Variants in CNTN5 observed in about 807,000 individuals in gnomAD.
The protein encoded by CNTN5 is contactin 5.
CNTN5 carries 77 observed loss-of-function variants against 129.1 expected under a neutral mutation model. That is an observed-to-expected ratio of 0.60 (90% CI 0.50 to 0.72). The LOEUF (loss-of-function observed/expected upper bound fraction) is 0.72, where lower values mean the gene tolerates loss of function less well. CNTN5 is among the 30% of genes least tolerant of loss of function. The pLI is 0.00. For missense variants in CNTN5, 1,478 were observed against 1,328.8 expected, an observed-to-expected ratio of 1.11 and a Z score of -1.75; for synonymous variants, 509 against 465.6, an observed-to-expected ratio of 1.09 and a Z score of -1.20.
chr11:99,127,686 T>C (rs1858714037), intron 1 of CNTN5, among the ~76,000 whole-genome samples: 1 of 152,192 alleles, frequency 6.6e-6, no homozygotes, highest in Non-Finnish European at 1.5e-5. Flanking sequence ...CTTCTCAACT[T>C]GAATCACTGC....
At chr11:99,587,235 C>T (rs1254726002) in intron 3 of CNTN5, among the ~76,000 whole-genome samples, 2 of 152,186 alleles carry the variant, frequency 1.3e-5, no homozygotes, top group African/African-American at 2.4e-5. Flanking sequence ...GCTGCCTACT[C>T]TATACTGCAC....
At chr11:99,143,405 A>G (rs2135467717) in intron 1 of CNTN5, among the ~76,000 whole-genome samples, 1 of 149,480 alleles carries the variant, frequency 6.7e-6, no homozygotes, top group African/African-American at 2.4e-5. Context: ...AATATTAAAT[A>G]TATCATATAT....
chr11:99,101,725 T>C (rs1284485576), intron 1 of CNTN5, among the ~76,000 whole-genome samples: 1 of 152,182 alleles, frequency 6.6e-6, no homozygotes, highest in East Asian at 1.9e-4. Context: ...CTTCTGTGGC[T>C]TTGCAGGATA....
chr11:99,986,919 C>T (rs576298363), intron 8 of CNTN5, among the ~76,000 whole-genome samples: 1 of 152,080 alleles, frequency 6.6e-6, no homozygotes, highest in African/African-American at 2.4e-5. Context: ...ATCAAATTGA[C>T]AGAACTTGAT....
At chr11:100,034,884 A>G (rs1006276828) in intron 9 of CNTN5, among the ~76,000 whole-genome samples, 5 of 142,580 alleles carry the variant, frequency 3.5e-5, no homozygotes, top group South Asian at 4.4e-4. Context: ...AGTACTTCAT[A>G]CTTACCCTTG....
At chr11:99,688,043 T>A (rs1953869799) in intron 3 of CNTN5, among the ~76,000 whole-genome samples, 1 of 152,178 alleles carries the variant, frequency 6.6e-6, no homozygotes, top group South Asian at 2.1e-4. Context: ...TGTTGATTGG[T>A]TAGTAAACTA....
At chr11:100,100,964 T>G (rs1452976293) in intron 13 of CNTN5, among the ~76,000 whole-genome samples, 1 of 152,172 alleles carries the variant, frequency 6.6e-6, no homozygotes, top group East Asian at 1.9e-4. Context: ...TATCTACAAA[T>G]TATCGAAAAG....
At chr11:100,187,314 A>C (rs1948327579) in intron 13 of CNTN5, among the ~76,000 whole-genome samples, 3 of 152,076 alleles carry the variant, frequency 2.0e-5, no homozygotes, top group African/African-American at 7.2e-5. Flanking sequence ...TAGGTATAGA[A>C]TCAGATTGTC....
At chr11:100,018,083 G>T (rs936772502) in intron 9 of CNTN5, among the ~76,000 whole-genome samples, 3 of 151,856 alleles carry the variant, frequency 2.0e-5, no homozygotes, top group Non-Finnish European at 4.4e-5. Flanking sequence ...TAAGTCAAAA[G>T]TACAATTAAG....
intron 1 of CNTN5, among the ~76,000 whole-genome samples, chr11:99,138,444 T>C (rs61893416): frequency 0.098 from 14,940 of 152,154 alleles, 1,298 homozygotes; most frequent in East Asian, 0.41. Context: ...TAAACCCAGG[T>C]GCATTTTTTA....
chr11:99,821,423 A>ACAG (rs1946797582), intron 4 of CNTN5, among the ~76,000 whole-genome samples: 1 of 152,200 alleles, frequency 6.6e-6, no homozygotes, highest in South Asian at 2.1e-4. Context: ...GACAGAAAAG[A>ACAG]AAGAAAATCT....
intron 13 of CNTN5, among the ~76,000 whole-genome samples, chr11:100,161,305 G>A (rs1410103807): frequency 6.6e-6 from 1 of 151,838 alleles, no homozygotes; most frequent in Non-Finnish European, 1.5e-5. Flanking sequence ...AGATGAAAAT[G>A]TTCTAAATGA....
chr11:99,034,199 A>G (rs1396629773), intron 1 of CNTN5, among the ~76,000 whole-genome samples: 2 of 152,200 alleles, frequency 1.3e-5, no homozygotes, highest in Non-Finnish European at 2.9e-5. Context: ...TTTTGCATCA[A>G]TGTTCATCAA....
At chr11:99,891,865 C>G (rs1949068865) in intron 6 of CNTN5, among the ~76,000 whole-genome samples, 1 of 152,110 alleles carries the variant, frequency 6.6e-6, no homozygotes, top group Admixed American at 6.6e-5. Context: ...ATTGCTGGGT[C>G]AAGTGGTATT....
At chr11:99,750,245 T>C (rs570172787) in intron 3 of CNTN5, among the ~76,000 whole-genome samples, 1 of 152,318 alleles carries the variant, frequency 6.6e-6, no homozygotes, top group African/African-American at 2.4e-5. Flanking sequence ...TCATGTCTTT[T>C]CATCACAAAA....
intron 3 of CNTN5, among the ~76,000 whole-genome samples, chr11:99,697,444 A>G (rs921460787): frequency 4.6e-5 from 7 of 151,718 alleles, no homozygotes; most frequent in African/African-American, 1.4e-4. Context: ...ACTCCCAAAA[A>G]CCCAAAATTC....
chr11:99,930,137 G>T (rs1236858563), intron 7 of CNTN5, among the ~76,000 whole-genome samples: 1 of 152,088 alleles, frequency 6.6e-6, no homozygotes, highest in Non-Finnish European at 1.5e-5. Context: ...TGCATCATTT[G>T]GTGGTTGAGG....
intron 3 of CNTN5, among the ~76,000 whole-genome samples, chr11:99,705,079 A>G (rs943161697): frequency 1.3e-5 from 2 of 151,398 alleles, no homozygotes; most frequent in South Asian, 2.1e-4. Flanking sequence ...GTATCTTCCA[A>G]TATCTTCTGG....
intron 3 of CNTN5, among the ~76,000 whole-genome samples, chr11:99,737,690 G>A (rs905041304): frequency 1.1e-4 from 17 of 152,064 alleles, no homozygotes; most frequent in African/African-American, 4.1e-4. Context: ...TTTAAAATTG[G>A]TGTAATTCCA....
Sources: gnomAD v4.1 joint callset for allele counts (sites outside exome capture counted in the v4.1 genomes callset) on GRCh38, gnomAD v4.1.1 for gene constraint, MANE v1.5 for transcripts, NCBI Gene and HGNC (gene_info 2026-07-23, HGNC 2026-07-21) for gene names.